The following PHACTR3 variants were observed in gnomAD, a reference collection of about 807,000 sequenced individuals.
PHACTR3 encodes phosphatase and actin regulator 3.
In PHACTR3, 16 loss-of-function variants were observed where a neutral mutation model predicts 66.8. That is an observed-to-expected ratio of 0.24 (90% CI 0.16 to 0.36). The LOEUF (loss-of-function observed/expected upper bound fraction) is 0.36, where lower values mean the gene tolerates loss of function less well. PHACTR3 is among the 10% of genes least tolerant of loss of function. The pLI is 1.00. For missense variants in PHACTR3, 647 were observed against 719.9 expected, an observed-to-expected ratio of 0.90 and a Z score of 1.16; for synonymous variants, 323 against 292.1, an observed-to-expected ratio of 1.11 and a Z score of -1.08.
intron 9 of PHACTR3, among the ~76,000 whole-genome samples, chr20:59,837,404 A>G (rs2058985670): frequency 1.3e-5 from 2 of 152,196 alleles, no homozygotes; most frequent in Non-Finnish European, 1.5e-5. Flanking sequence ...GTCAGAAAAT[A>G]CCGCAGAGCC....
intron 1 of PHACTR3, among the ~76,000 whole-genome samples, chr20:59,632,986 C>T (rs1379758543): frequency 6.6e-6 from 1 of 152,122 alleles, no homozygotes; most frequent in East Asian, 1.9e-4. Context: ...CTTGCTTTTG[C>T]ACTTCCGTCC....
intron 1 of PHACTR3, among the ~76,000 whole-genome samples, chr20:59,656,471 A>T (rs1183128066): frequency 6.6e-6 from 1 of 151,878 alleles, no homozygotes; most frequent in Non-Finnish European, 1.5e-5. Flanking sequence ...TAGCTTTTGT[A>T]TGATTGCTGT....
chr20:59,750,891 C>T (rs1454247447), intron 3 of PHACTR3, among the ~76,000 whole-genome samples: 1 of 152,330 alleles, frequency 6.6e-6, no homozygotes, highest in East Asian at 1.9e-4. Flanking sequence ...AGGCTCCCGG[C>T]TAAATCCTTC....
chr20:59,703,388 A>AT (rs2037579940), intron 1 of PHACTR3, among the ~76,000 whole-genome samples: 1 of 152,112 alleles, frequency 6.6e-6, no homozygotes, highest in Non-Finnish European at 1.5e-5. Context: ...CTCCTTGCCC[A>AT]TTTTTTGCTT....
intron 7 of PHACTR3, among the ~76,000 whole-genome samples, chr20:59,788,599 C>T (rs2040996750): frequency 6.6e-6 from 1 of 152,204 alleles, no homozygotes; most frequent in Admixed American, 6.5e-5. Flanking sequence ...TCTCTTGAGG[C>T]TCAACCTCAC....
intron 7 of PHACTR3, among the ~76,000 whole-genome samples, chr20:59,788,739 C>A (rs2041001203): frequency 6.6e-6 from 1 of 152,186 alleles, no homozygotes; most frequent in Non-Finnish European, 1.5e-5. Flanking sequence ...TTCAGCAGAG[C>A]CAAAGCTAAC....
At chr20:59,771,254 A>G (rs548192417) in intron 5 of PHACTR3, among the ~76,000 whole-genome samples, 1 of 152,182 alleles carries the variant, frequency 6.6e-6, no homozygotes, top group Admixed American at 6.5e-5. Flanking sequence ...AGTAGAGGCA[A>G]TGATGGTTAG....
intron 1 of PHACTR3, among the ~76,000 whole-genome samples, chr20:59,742,031 G>C (rs1432309515): frequency 6.6e-6 from 1 of 152,226 alleles, no homozygotes; most frequent in Non-Finnish European, 1.5e-5. Flanking sequence ...AAAGTGCTGG[G>C]ATTATAGGCG....
intron 1 of PHACTR3, among the ~76,000 whole-genome samples, chr20:59,642,509 C>T (rs964859311): frequency 4.5e-5 from 6 of 133,818 alleles, no homozygotes; most frequent in Admixed American, 9.5e-5. Context: ...CGGGATTGTT[C>T]AGCCTATATC....
At chr20:59,846,453 T>A (rs1312723813) in intron 12 of PHACTR3, among the ~76,000 whole-genome samples, 1 of 152,142 alleles carries the variant, frequency 6.6e-6, no homozygotes, top group Non-Finnish European at 1.5e-5. Context: ...GAATAGGTCA[T>A]ATGAATGTTT....
chr20:59,751,171 C>T (rs770264204), intron 3 of PHACTR3, among the ~76,000 whole-genome samples: 3 of 152,128 alleles, frequency 2.0e-5, no homozygotes, highest in Non-Finnish European at 4.4e-5. Flanking sequence ...GGAGCAGAGG[C>T]GCTTTCCTGG....
chr20:59,608,680 G>A (rs908839479), intron 1 of PHACTR3, among the ~76,000 whole-genome samples: 8 of 152,118 alleles, frequency 5.3e-5, no homozygotes, highest in South Asian at 2.1e-4. Flanking sequence ...CTTGGCTGTC[G>A]CTGCCTTGCT....
chr20:59,635,494 A>G (rs1438680440), intron 1 of PHACTR3, among the ~76,000 whole-genome samples: 1 of 151,792 alleles, frequency 6.6e-6, no homozygotes, highest in Non-Finnish European at 1.5e-5. Flanking sequence ...TCAGCCTCCC[A>G]AAGTGCTGGG....
chr20:59,831,011 A>G (rs1190942370), intron 8 of PHACTR3, among the ~76,000 whole-genome samples: 2 of 152,024 alleles, frequency 1.3e-5, no homozygotes, highest in African/African-American at 4.8e-5. Flanking sequence ...CTCCACCTCT[A>G]GGCCCCTTCC....
rs543261411 is a variant in PHACTR3 at position 59,678,807 on chromosome 20, T to C, written c.119-64300T>C. On this transcript the variant is annotated intron_variant, in intron 1 of 12. Transcript: ENST00000371015. ...TGCTAATTTCCTGGCTGGGAGCACCTGGAGGGTAGGCACTCCTCCTCCTTC... is the reference window on the plus strand; with the variant it reads ...TGCTAATTTCCTGGCTGGGAGCACCCGGAGGGTAGGCACTCCTCCTCCTTC... Among the ~76,000 whole-genome samples the C allele has an allele frequency of 2.9e-3, 437 of 152,340 alleles. 2 individuals carry two copies. The highest frequency in any genetic ancestry group is 0.01 in the African/African-American group (416 of 41,582).
intron 1 of PHACTR3, among the ~76,000 whole-genome samples, chr20:59,613,339 T>C (rs1477890324): frequency 6.6e-6 from 1 of 152,148 alleles, no homozygotes; most frequent in East Asian, 1.9e-4. Context: ...TGCAACATGG[T>C]TGCTTCACCT....
rs1489162285 is a variant in PHACTR3 at position 59,736,839 on chromosome 20, C to G, written c.119-6268C>G. 6.6e-6 allele frequency among the ~76,000 whole-genome samples: 1 copy of G among 152,224 alleles called. No individual in the cohort carries two copies. The highest frequency in any genetic ancestry group is 1.9e-4 in the East Asian group (1 of 5,162). On this transcript the variant is annotated intron_variant, in intron 1 of 12. Coordinates refer to ENST00000371015, the MANE Select transcript of PHACTR3 (RefSeq NM_080672.5). This position sits in a 1 kb window ranked among gnomAD's most constrained non-coding sequence, Gnocchi z 4.6. The stretch of plus-strand genomic sequence containing the variant: ...CCCCTGGCACAGTCCTGGGCTTGAG[C>G]CACCCCAGGGAAGGCAGAGGGGAGA...
chr20:59,787,157 G>A (rs965764657), intron 7 of PHACTR3, among the ~76,000 whole-genome samples: 4 of 152,234 alleles, frequency 2.6e-5, no homozygotes, highest in Non-Finnish European at 5.9e-5. Context: ...TAGGAAGATT[G>A]GAGAATAGTG....
chr20:59,642,478 A>G (rs1435309722), intron 1 of PHACTR3, among the ~76,000 whole-genome samples: 3 of 128,134 alleles, frequency 2.3e-5, no homozygotes, highest in East Asian at 2.2e-4. Flanking sequence ...TACTTTTCCT[A>G]TAGAAACATT....
Sources: allele counts gnomAD v4.1 joint callset (sites outside exome capture counted in the v4.1 genomes callset), GRCh38; gene constraint gnomAD v4.1.1; non-coding constraint Gnocchi (gnomAD v3.1); transcripts MANE v1.5; gene names NCBI Gene and HGNC (gene_info 2026-07-23, HGNC 2026-07-21).